BDP1: variants seen among roughly 807,000 people sequenced by gnomAD.
The protein encoded by BDP1 is transcription factor TFIIIB component B'' homolog.
A neutral mutation model predicts 266.6 loss-of-function variants in BDP1; 169 were observed. The observed-to-expected ratio is 0.63, with a 90% CI of 0.56 to 0.72. The LOEUF is 0.72. Ranked by LOEUF, BDP1 falls within the 30% of genes least tolerant of loss-of-function variation. BDP1 has a pLI of 0.00. For synonymous variants in BDP1, 1,090 were observed against 1,022.4 expected, an observed-to-expected ratio of 1.07 and a Z score of -1.26; for missense variants, 3,015 against 3,053.8, an observed-to-expected ratio of 0.99 and a Z score of 0.30.
rs754878573 is a variant in BDP1, at chr5:71,522,969, A to G, written c.5387+20A>G. 3 of 1,536,678 alleles carry G rather than the reference A, an allele frequency of 2.0e-6. No individual in the cohort carries two copies. Among genetic ancestry groups the G allele is most frequent in the South Asian group, 2.5e-5 (2 of 79,188 alleles). On this transcript the variant is annotated intron_variant, in intron 24 of 38. Coordinates refer to ENST00000358731, the MANE Select transcript of BDP1 (RefSeq NM_018429.3). ...AACAAGGTAACATTTTATTTAACAA[A>G]ATGTTTCACAATAAGAAATAAAAAT...
intron 25 of BDP1, among the ~76,000 whole-genome samples, chr5:71,528,615 C>T (rs913568753): frequency 1.3e-5 from 2 of 152,194 alleles, no homozygotes; most frequent in African/African-American, 4.8e-5. Flanking sequence ...AACGGATTAT[C>T]TGAATCTGTA....
chr5:71,505,589 A>C (rs1764534438), intron 16 of BDP1, among the ~76,000 whole-genome samples: 1 of 152,222 alleles, frequency 6.6e-6, no homozygotes, highest in African/African-American at 2.4e-5. Context: ...ATGTGCGCAA[A>C]AGTGCAGTAG....
At chr5:71,485,780 G>A (rs1038358342) in intron 8 of BDP1, among the ~76,000 whole-genome samples, 5 of 152,158 alleles carry the variant, frequency 3.3e-5, no homozygotes, top group Non-Finnish European at 5.9e-5. Context: ...ACTTATAAGA[G>A]TAAATGGTGA....
At chr5:71,525,258 G>A (rs1336138464) in intron 25 of BDP1, among the ~76,000 whole-genome samples, 11 of 150,558 alleles carry the variant, frequency 7.3e-5, no homozygotes, top group African/African-American at 2.2e-4. Flanking sequence ...CTGGCCAGGC[G>A]GGGGGCTGAC....
chr5:71,507,555 T>A lies in BDP1; in HGVS notation c.2373-1910T>A, dbSNP rs555333122. 9.5e-4 allele frequency among the ~76,000 whole-genome samples: 144 copies of A among 152,348 alleles called. 2 individuals are homozygous for A. Among genetic ancestry groups the A allele is most frequent in the African/African-American group, 2.9e-3 (119 of 41,584 alleles). On this transcript the variant is annotated intron_variant, in intron 16 of 38. Transcript: ENST00000358731. ...TTCAAGCATTTATATGTTTAAATAATACGCCTGTTTTCAAAATGTGACTTT... is the reference window on the plus strand; with the variant it reads ...TTCAAGCATTTATATGTTTAAATAAAACGCCTGTTTTCAAAATGTGACTTT...
intron 13 of BDP1, among the ~76,000 whole-genome samples, chr5:71,499,821 TGTAA>T (rs780820994): frequency 3.9e-5 from 6 of 152,222 alleles, no homozygotes; most frequent in Non-Finnish European, 7.4e-5. Context: ...CAAACAATTT[TGTAA>T]GTAAGGCTTT....
At chr5:71,461,763 C>A in intron 2 of BDP1, 54 bp from the exon 3 acceptor site, 1 of 996,612 alleles carries the variant, frequency 1.0e-6, no homozygotes, top group South Asian at 1.4e-5. Flanking sequence ...GCATATAGTA[C>A]ATCTGAAATT....
chr5:71,478,915 T>C (rs1230031435), intron 7 of BDP1, among the ~76,000 whole-genome samples: 1 of 152,226 alleles, frequency 6.6e-6, no homozygotes, highest in East Asian at 1.9e-4. Context: ...TAGTTTCTAT[T>C]GTCATAGCGT....
At chr5:71,471,138 CTTTTTTTTTTT>C (rs869292040) in intron 7 of BDP1, among the ~76,000 whole-genome samples, 1 of 115,060 alleles carries the variant, frequency 8.7e-6, no homozygotes, top group Non-Finnish European at 1.8e-5. Flanking sequence ...TTAAGGGTAG[CTTTTTTTTTTT>C]TTTTTTTTTT....
At chr5:71,487,872 G>A (rs1763363771) in intron 9 of BDP1, among the ~76,000 whole-genome samples, 2 of 152,168 alleles carry the variant, frequency 1.3e-5, no homozygotes, top group African/African-American at 4.8e-5. Flanking sequence ...TCTGAGACAT[G>A]GCCCAAGGGC....
intron 7 of BDP1, among the ~76,000 whole-genome samples, chr5:71,475,463 T>A (rs115860711): frequency 0.025 from 3,796 of 152,260 alleles, 73 homozygotes; most frequent in South Asian, 0.073. Flanking sequence ...ACTTTTTTTG[T>A]ATTTTGCTGT....
intron 1 of BDP1, among the ~76,000 whole-genome samples, chr5:71,456,313 C>T (rs1407842724): frequency 1.3e-5 from 2 of 152,150 alleles, no homozygotes; most frequent in Non-Finnish European, 2.9e-5. Flanking sequence ...GAGAGGAGAC[C>T]ATGTCTTCAA....
intron 7 of BDP1, among the ~76,000 whole-genome samples, chr5:71,471,209 A>G (rs1342698671): frequency 7.4e-6 from 1 of 135,930 alleles, no homozygotes; most frequent in Non-Finnish European, 1.5e-5. Context: ...GTGGTGCGAT[A>G]TCGGCTCACT....
Position 71,545,168 on chromosome 5 carries a change from C to G in BDP1, c.6693C>G (p.Pro2231=). The change falls in exon 32 of 39, where the codon CCC becomes CCG. Residue 2231 remains proline, a synonymous_variant. Transcript: ENST00000358731. The part of the protein sequence containing the change: ...RGLGENSVEE[P]QIKDSKGDSV... ...TTGGTGAAAATTCTGTTGAAGAGCC[C>G]CAGATAAAGGACTCTAAAGGAGACA... is the stretch of plus-strand genomic sequence containing the variant. 1 of 1,613,626 alleles carries G rather than the reference C, an allele frequency of 6.2e-7. No homozygotes were observed.
intron 3 of BDP1, among the ~76,000 whole-genome samples, chr5:71,462,927 G>A (rs1167390874): frequency 6.6e-6 from 1 of 152,110 alleles, no homozygotes; most frequent in Non-Finnish European, 1.5e-5. Flanking sequence ...GAGCCCAGGA[G>A]TTTGAGACCA....
intron 11 of BDP1, among the ~76,000 whole-genome samples, chr5:71,491,375 C>T (rs1173868778): frequency 6.6e-6 from 1 of 151,538 alleles, no homozygotes; most frequent in Non-Finnish European, 1.5e-5. Context: ...CTGATGTTTA[C>T]TTTGCTATTG....
At chr5:71,460,191 C>A (rs1419096814) in intron 2 of BDP1, among the ~76,000 whole-genome samples, 2 of 152,108 alleles carry the variant, frequency 1.3e-5, no homozygotes, top group East Asian at 3.9e-4. Context: ...ACCAGCCTGG[C>A]CAACATGGTG....
chr5:71,500,270 AT>A (rs1334027641), intron 13 of BDP1, among the ~76,000 whole-genome samples: 2 of 132,880 alleles, frequency 1.5e-5, no homozygotes, highest in African/African-American at 2.9e-5. Flanking sequence ...ATTACTTGTA[AT>A]TTTTTTCTTT....
chr5:71,516,559 A>G (rs1765233098), intron 21 of BDP1, among the ~76,000 whole-genome samples: 1 of 152,216 alleles, frequency 6.6e-6, no homozygotes, highest in Non-Finnish European at 1.5e-5. Flanking sequence ...CTTTTGACAT[A>G]TCTTACTGGA....
Sources: allele counts gnomAD v4.1 joint callset (sites outside exome capture counted in the v4.1 genomes callset), GRCh38; gene constraint gnomAD v4.1.1; transcripts MANE v1.5; gene names NCBI Gene and HGNC (gene_info 2026-07-23, HGNC 2026-07-21).